The following DNAH14 variants were observed in gnomAD, a reference collection of about 807,000 sequenced individuals.
DNAH14 encodes axonemal beta dynein heavy chain 14.
Under a neutral mutation model 520.9 loss-of-function variants are expected in DNAH14, and 478 were observed. That is an observed-to-expected ratio of 0.92 (90% CI 0.85 to 0.99). DNAH14 has a LOEUF of 0.99. Ranked by LOEUF, DNAH14 falls within the 50% of genes least tolerant of loss-of-function variation. The pLI, the probability that DNAH14 is intolerant of heterozygous loss-of-function variation, is 0.00. For missense variants in DNAH14, 4,831 were observed against 5,234.5 expected, an observed-to-expected ratio of 0.92 and a Z score of 2.38; for synonymous variants, 1,581 against 1,757.2, an observed-to-expected ratio of 0.90 and a Z score of 2.51.
At chr1:225,257,729 G>T (rs961597299) in intron 44 of DNAH14, among the ~76,000 whole-genome samples, 4 of 151,744 alleles carry the variant, frequency 2.6e-5, no homozygotes, top group Non-Finnish European at 5.9e-5. Flanking sequence ...TAGAGATGGG[G>T]TTTCACCGCG....
At chr1:225,300,581 A>G (rs1332636612) in intron 55 of DNAH14, among the ~76,000 whole-genome samples, 1 of 151,956 alleles carries the variant, frequency 6.6e-6, no homozygotes, top group Non-Finnish European at 1.5e-5. Context: ...TGCACCTTTC[A>G]TCCTAGCTAT....
In DNAH14 at chr1:225,368,004, C is replaced by T. The variant is rs2095574228; in HGVS notation, c.12290C>T (p.Ala4097Val). The T allele has an allele frequency of 6.5e-7, 1 of 1,549,280 alleles. No individual in the cohort carries two copies. Among genetic ancestry groups the T allele is most frequent in the Non-Finnish European group, 8.7e-7 (1 of 1,146,474 alleles). Reference protein sequence around the residue: ...KNYGILGWNIAYKFNSSDLGV... With the variant: ...KNYGILGWNIVYKFNSSDLGV... Reference sequence around the variant, plus strand: ...TACGGAATATTGGGCTGGAATATTGCTTATAAATTTAATTCTTCAGACTTG... The same window carrying T: ...TACGGAATATTGGGCTGGAATATTGTTTATAAATTTAATTCTTCAGACTTG... The change falls in exon 77 of 86, where the codon GCT becomes GTT. Residue 4097 changes from alanine to valine, a missense_variant. Transcript: ENST00000682510.
At position 225,159,515 on chromosome 1, in the gene DNAH14, T is replaced by C. The variant is rs763230525; in HGVS notation, c.5445+30T>C. On this transcript the variant is annotated intron_variant, in intron 35 of 85. Transcript: ENST00000682510. ...AAAGACCTTTGAAAATCATCACCAA[T>C]TATTTGGATGTGGAATATCAATTAA... The C allele has an allele frequency of 6.1e-5, 90 of 1,478,058 alleles. No homozygotes were observed. The South Asian group carries it at 7.3e-4, about 12-fold the overall frequency. 91.6% of individuals were successfully genotyped at this position (1,478,058 alleles called of 1,614,324 possible). A position where few individuals can be genotyped will look rare whatever the true frequency, so the allele number is the denominator to read the frequency against.
In DNAH14 at chr1:225,351,809, T is replaced by C. The variant is rs1378886332; in HGVS notation, c.11459T>C (p.Val3820Ala). 9 of 1,551,218 alleles carry C rather than the reference T, an allele frequency of 5.8e-6. No homozygotes were observed. In the African/African-American group the frequency reaches 6.8e-5, roughly 12 times the overall value. Residue 3820 changes from valine to alanine, a missense_variant, in exon 72 of 86, where the codon GTT becomes GCT. Transcript: ENST00000682510. ...QWDTFKNSKAVYSLISTPFSS... is the reference protein window; with the variant it reads ...QWDTFKNSKAAYSLISTPFSS... ...GATACTTTTAAGAACAGTAAAGCAGTTTATTCTCTGATCAGCACACCTTTC... is the reference window on the plus strand; with the variant it reads ...GATACTTTTAAGAACAGTAAAGCAGCTTATTCTCTGATCAGCACACCTTTC...
At chr1:225,312,875 G>T (rs558077651) in intron 60 of DNAH14, among the ~76,000 whole-genome samples, 243 of 152,308 alleles carry the variant, frequency 1.6e-3, no homozygotes, top group Non-Finnish European at 2.4e-3. Context: ...TCACATCAAT[G>T]TTCATCAGGG....
Position 225,351,599 on chromosome 1 carries a change from G to GTTT in DNAH14, c.11297-48_11297-47insTTT, listed in dbSNP as rs111687376. 461 of 1,375,518 alleles carry GTTT rather than the reference G, an allele frequency of 3.4e-4. 2 individuals are homozygous for GTTT. In the African/African-American group the frequency reaches 5.9e-3, roughly 18 times the overall value. The allele number at this position is 1,375,518 out of a possible 1,614,324, so 85.2% of individuals were successfully genotyped here. On this transcript the variant is annotated intron_variant, in intron 71 of 85. Transcript: ENST00000682510. The stretch of plus-strand genomic sequence containing the variant: ...TCTACTTTGTAATGAATAACTAAAA[G>GTTT]GTAAAGGTTTATCTCTTCTAATGTG...
At chr1:224,954,196 A>C (rs2060358594) in intron 2 of DNAH14, among the ~76,000 whole-genome samples, 1 of 152,126 alleles carries the variant, frequency 6.6e-6, no homozygotes, top group South Asian at 2.1e-4. Context: ...AGGGAACTTA[A>C]AGCGCTCAAA....
intron 27 of DNAH14, among the ~76,000 whole-genome samples, chr1:225,129,240 G>C (rs1206886638): frequency 1.3e-5 from 2 of 150,222 alleles, no homozygotes; most frequent in Non-Finnish European, 3.0e-5. Flanking sequence ...TGGCCATACT[G>C]CCCAAGGTAA....
intron 23 of DNAH14, among the ~76,000 whole-genome samples, chr1:225,110,564 C>CT (rs942666032): frequency 6.3e-5 from 9 of 142,030 alleles, no homozygotes; most frequent in Non-Finnish European, 1.2e-4. Context: ...GGTCTTCTTT[C>CT]TTTTTTTTTC....
chr1:225,189,052 A>G (rs2085086784), intron 37 of DNAH14, among the ~76,000 whole-genome samples: 1 of 151,764 alleles, frequency 6.6e-6, no homozygotes, highest in African/African-American at 2.4e-5. Flanking sequence ...AGCGTTTTTT[A>G]CCATGAAAAG....
rs774739701 is a variant in DNAH14 at position 225,259,186 on chromosome 1, G to C, written c.7090G>C (p.Ala2364Pro). ...QMLEKLEGPG[A>P]FDIKHGSILG... ...GCTTGAAAAGCTAGAGGGTCCAGGA[G>C]CATTTGACATAAAACATGGTTCAAT... Residue 2364 changes from alanine to proline, a missense_variant, in exon 46 of 86, where the codon GCA becomes CCA. Transcript: ENST00000682510. The C allele has an allele frequency of 5.2e-6, 8 of 1,545,486 alleles. No homozygotes were observed. The African/African-American group carries it at 9.6e-5, about 19-fold the overall frequency.
At chr1:225,100,085 A>G (rs2075318500) in intron 22 of DNAH14, among the ~76,000 whole-genome samples, 1 of 152,194 alleles carries the variant, frequency 6.6e-6, no homozygotes, top group African/African-American at 2.4e-5. Flanking sequence ...TAATATATTA[A>G]TGGCTTATCA....
intron 44 of DNAH14, among the ~76,000 whole-genome samples, chr1:225,257,746 A>G (rs1386978220): frequency 1.3e-5 from 2 of 152,070 alleles, no homozygotes; most frequent in Non-Finnish European, 2.9e-5. Flanking sequence ...CGCGTTAGCC[A>G]GGATGGTCTC....
At chr1:225,047,838 A>C (rs540493151) in intron 15 of DNAH14, among the ~76,000 whole-genome samples, 46 of 152,308 alleles carry the variant, frequency 3.0e-4, no homozygotes, top group African/African-American at 1.1e-3. Context: ...ACCCTCTTCA[A>C]TGAGGTTATG....
chr1:225,021,014 G>A (rs548350077), intron 10 of DNAH14, among the ~76,000 whole-genome samples: 1 of 145,238 alleles, frequency 6.9e-6, no homozygotes, highest in African/African-American at 2.8e-5. Context: ...CAATAAGTGT[G>A]ATTTATTATG....
intron 46 of DNAH14, among the ~76,000 whole-genome samples, chr1:225,261,489 T>A (rs1364457374): frequency 6.6e-6 from 1 of 152,148 alleles, no homozygotes; most frequent in Non-Finnish European, 1.5e-5. Flanking sequence ...TAGGGATAAA[T>A]CCCCACTTGA....
chr1:225,200,643 G>T (rs185001648), intron 38 of DNAH14, among the ~76,000 whole-genome samples: 1 of 152,150 alleles, frequency 6.6e-6, no homozygotes, highest in Admixed American at 6.5e-5. Flanking sequence ...CAAAATTCTT[G>T]GCTGATAATT....
At chr1:224,987,183 G>T (rs2062704318) in intron 8 of DNAH14, among the ~76,000 whole-genome samples, 1 of 152,050 alleles carries the variant, frequency 6.6e-6, no homozygotes, top group South Asian at 2.1e-4. Flanking sequence ...TGGTAAACTA[G>T]AGTCCCAGGA....
intron 5 of DNAH14, among the ~76,000 whole-genome samples, chr1:224,965,864 A>C (rs1381980462): frequency 6.6e-6 from 1 of 152,160 alleles, no homozygotes; most frequent in Non-Finnish European, 1.5e-5. Context: ...ATAGCTGTAC[A>C]TGGGTTCCTT....
Sources: allele counts gnomAD v4.1 joint callset (sites outside exome capture counted in the v4.1 genomes callset), GRCh38; gene constraint gnomAD v4.1.1; transcripts MANE v1.5; gene names NCBI Gene and HGNC (gene_info 2026-07-23, HGNC 2026-07-21).